Variants in SMURF2 observed in about 807,000 individuals in gnomAD.
SMURF2 encodes SMAD specific E3 ubiquitin protein ligase 2.
In SMURF2, 48 loss-of-function variants were observed where a neutral mutation model predicts 109.6. That is an observed-to-expected ratio of 0.44 (90% CI 0.35 to 0.56). The LOEUF is 0.56. Ranked by LOEUF, SMURF2 falls within the 20% of genes least tolerant of loss-of-function variation. The pLI, the probability that SMURF2 is intolerant of heterozygous loss-of-function variation, is 0.01. For missense variants in SMURF2, 575 were observed against 909.0 expected, an observed-to-expected ratio of 0.63 and a Z score of 4.72; for synonymous variants, 288 against 317.1, an observed-to-expected ratio of 0.91 and a Z score of 0.97.
At chr17:64,635,984 G>T (rs970833894) in intron 1 of SMURF2, among the ~76,000 whole-genome samples, 1 of 152,144 alleles carries the variant, frequency 6.6e-6, no homozygotes, top group Non-Finnish European at 1.5e-5. Context: ...GCTAACATTT[G>T]TTATTTTCCC....
chr17:64,580,888 C>T lies in SMURF2; in HGVS notation c.673G>A (p.Asp225Asn), dbSNP rs1182753634. ...TNGATCGQSS[D>N]PRLAERRVRS... Reference sequence around the variant, plus strand: ...ACTCTCCTCTCTGCCAGCCTGGGATCTGAAGACTGTCCACATGTTGCACCA... The same window carrying T: ...ACTCTCCTCTCTGCCAGCCTGGGATTTGAAGACTGTCCACATGTTGCACCA... The change falls in exon 8 of 19, where the codon GAT (aspartate) becomes AAT (asparagine). Residue 225 changes from aspartate (D) to asparagine (N), a missense_variant. Around this residue, in one of 5 missense-constraint regions of SMURF2, gnomAD observed 151 missense variants for 178.4 expected, o/e 0.85. Transcript: ENST00000262435. 1.2e-6 allele frequency: 2 copies of T among 1,614,156 alleles called. No individual in the cohort carries two copies. The highest frequency in any genetic ancestry group is 1.7e-6 in the Non-Finnish European group (2 of 1,180,020).
chr17:64,626,290 TATAC>T (rs1555691175), intron 1 of SMURF2, among the ~76,000 whole-genome samples: 1 of 151,496 alleles, frequency 6.6e-6, no homozygotes, highest in Non-Finnish European at 1.5e-5. Flanking sequence ...AACATAGGAT[TATAC>T]ATATTCATGA....
intron 9 of SMURF2, among the ~76,000 whole-genome samples, chr17:64,575,083 C>T (rs1396797582): frequency 6.7e-6 from 1 of 149,614 alleles, no homozygotes; most frequent in Non-Finnish European, 1.5e-5. Flanking sequence ...AAAGTTAGGC[C>T]CTTGGATTTT....
In SMURF2 at chr17:64,631,143, A is replaced by C. The variant is rs114080486; in HGVS notation, c.53-24503T>G. Among the ~76,000 whole-genome samples, 943 of 151,232 alleles carry C rather than the reference A, an allele frequency of 6.2e-3. 13 individuals are homozygous for C. The highest frequency in any genetic ancestry group is 0.022 in the African/African-American group (925 of 41,120). ...ATGGCAAGACCCCATCTCTACAAAAAATTTACAAATTAGCCGGGTGTGGTG... is the reference window on the plus strand; with the variant it reads ...ATGGCAAGACCCCATCTCTACAAAACATTTACAAATTAGCCGGGTGTGGTG... On this transcript the variant is annotated intron_variant, in intron 1 of 18. Transcript: ENST00000262435.
chr17:64,614,461 T>C (rs909961405), intron 1 of SMURF2, among the ~76,000 whole-genome samples: 8 of 152,336 alleles, frequency 5.3e-5, no homozygotes, highest in Admixed American at 2.0e-4. Flanking sequence ...CATATATTTG[T>C]ACTAGATTAA....
At chr17:64,660,730 T>C (rs1370085967) in intron 1 of SMURF2, 1 of 152,194 alleles carries the variant, frequency 6.6e-6, no homozygotes, top group Non-Finnish European at 1.5e-5. Flanking sequence ...CGGAAAATTA[T>C]CTTTCTCACC....
At chr17:64,631,328 C>A (rs62073217) in intron 1 of SMURF2, among the ~76,000 whole-genome samples, 1 of 65,020 alleles carries the variant, frequency 1.5e-5, no homozygotes, top group Non-Finnish European at 3.0e-5. Flanking sequence ...GAGAGAGAGA[C>A]AGAGAGAGAG....
rs545774689 is a variant in SMURF2 at position 64,641,760 on chromosome 17, T to C, written c.52+20069A>G. ...AGCCACCATCTGAATAAACACACAA[T>C]AGACTCTGGGCCAAAATGACCCAAT... On this transcript the variant is annotated intron_variant, in intron 1 of 18. Transcript: ENST00000262435. Among the ~76,000 whole-genome samples, 9 of 152,086 alleles carry C rather than the reference T, an allele frequency of 5.9e-5. No individual in the cohort carries two copies. In the East Asian group the frequency reaches 1.4e-3, roughly 23 times the overall value.
At chr17:64,625,507 T>C (rs1410305496) in intron 1 of SMURF2, among the ~76,000 whole-genome samples, 1 of 152,242 alleles carries the variant, frequency 6.6e-6, no homozygotes. Context: ...CAATTTTGTA[T>C]TCAACACAGA....
At chr17:64,584,711 CA>C (rs1454298983) in intron 6 of SMURF2, among the ~76,000 whole-genome samples, 3 of 152,010 alleles carry the variant, frequency 2.0e-5, no homozygotes, top group African/African-American at 7.3e-5. Context: ...GAAAAAGAGC[CA>C]AATGACTACA....
intron 1 of SMURF2, among the ~76,000 whole-genome samples, chr17:64,624,143 C>G (rs1970237872): frequency 6.6e-6 from 1 of 152,124 alleles, no homozygotes; most frequent in Admixed American, 6.5e-5. Context: ...AAAAGCAAGT[C>G]TGATAATCCT....
intron 10 of SMURF2, among the ~76,000 whole-genome samples, chr17:64,563,404 T>TA (rs1365121571): frequency 6.6e-6 from 1 of 152,178 alleles, no homozygotes; most frequent in African/African-American, 2.4e-5. Context: ...ATATTATACC[T>TA]AAAACATATG....
At chr17:64,587,876 T>C (rs1598283758) in intron 5 of SMURF2, among the ~76,000 whole-genome samples, 1 of 152,140 alleles carries the variant, frequency 6.6e-6, no homozygotes, top group South Asian at 2.1e-4. Context: ...TAGCATTGTT[T>C]AGAATAATAG....
intron 11 of SMURF2, among the ~76,000 whole-genome samples, chr17:64,562,388 T>C (rs1229055873): frequency 1.3e-5 from 2 of 151,572 alleles, no homozygotes; most frequent in African/African-American, 4.8e-5. Context: ...CTAATTTTTT[T>C]TTTTTTTTGA....
intron 1 of SMURF2, among the ~76,000 whole-genome samples, chr17:64,635,805 CAT>C (rs1222625474): frequency 1.3e-5 from 2 of 152,138 alleles, no homozygotes; most frequent in Non-Finnish European, 1.5e-5. Context: ...TTTGTGTGAA[CAT>C]ATGTTTTCAG....
chr17:64,615,983 C>T (rs192384384), intron 1 of SMURF2, among the ~76,000 whole-genome samples: 1 of 152,164 alleles, frequency 6.6e-6, no homozygotes, highest in Non-Finnish European at 1.5e-5. Context: ...GCATGCGCCA[C>T]CACACTCGGC....
intron 1 of SMURF2, among the ~76,000 whole-genome samples, chr17:64,628,262 C>T (rs1970293626): frequency 6.6e-6 from 1 of 152,098 alleles, no homozygotes. Context: ...CATTGTTAGT[C>T]CACCTGTGTC....
intron 2 of SMURF2, among the ~76,000 whole-genome samples, chr17:64,599,053 A>G (rs1241462691): frequency 1.3e-5 from 2 of 152,260 alleles, no homozygotes; most frequent in Non-Finnish European, 2.9e-5. Flanking sequence ...CATGAAAAAC[A>G]AAACCAAAAA....
chr17:64,572,977 T>G (rs1338641609), intron 9 of SMURF2: 3 of 151,692 alleles, frequency 2.0e-5, no homozygotes, highest in Admixed American at 2.0e-4. Context: ...TATGATATGA[T>G]CAGGTCATTT....
Sources: allele counts gnomAD v4.1 joint callset (sites outside exome capture counted in the v4.1 genomes callset), GRCh38; gene constraint gnomAD v4.1.1; regional missense constraint gnomAD v4.1.1; transcripts MANE v1.5; gene names NCBI Gene and HGNC (gene_info 2026-07-23, HGNC 2026-07-21).